Variants in FAM133B observed in about 807,000 individuals in gnomAD.
FAM133B encodes protein FAM133B.
A neutral mutation model predicts 46.4 loss-of-function variants in FAM133B; 25 were observed. That is an observed-to-expected ratio of 0.54 (90% CI 0.39 to 0.75). FAM133B has a LOEUF of 0.75. FAM133B is among the 30% of genes least tolerant of loss of function. The pLI is 0.00. For missense variants in FAM133B, 205 were observed against 277.6 expected (o/e 0.74, Z 1.86); for synonymous variants, 75 against 86.0 (o/e 0.87, Z 0.71).
chr7:92,582,334 TA>T (rs1403117492), intron 1 of FAM133B, among the ~76,000 whole-genome samples: 1 of 148,218 alleles, frequency 6.7e-6, no homozygotes, highest in Non-Finnish European at 1.5e-5. Context: ...TAAAATAAAA[TA>T]AATTCATTTC....
chr7:92,577,902 T>C (rs574199558), intron 5 of FAM133B, 185 bp from the exon 6 acceptor site: 75 of 653,952 alleles, frequency 1.1e-4, no homozygotes, highest in Non-Finnish European at 1.8e-4. Flanking sequence ...CAAGTTAACA[T>C]ATGTGGCCAT....
chr7:92,579,247 G>C, intron 3 of FAM133B, 70 bp downstream of exon 3: 1 of 1,382,550 alleles, frequency 7.2e-7, no homozygotes, highest in Non-Finnish European at 1.0e-6. Context: ...CCAAAGTGCT[G>C]GAATTATAGG....
At chr7:92,578,226 T>C in intron 4 of FAM133B, 44 bp from the exon 5 acceptor site, 1 of 1,605,264 alleles carries the variant, frequency 6.2e-7, no homozygotes. Context: ...CTGATGTGAG[T>C]TTGCAAATGC....
intron 8 of FAM133B, among the ~76,000 whole-genome samples, chr7:92,572,070 A>C (rs531103397): frequency 6.6e-6 from 1 of 152,344 alleles, no homozygotes; most frequent in South Asian, 2.1e-4. Context: ...TATGTGACTT[A>C]AAATTAAAGC....
rs758825028 is a variant in FAM133B, at chr7:92,578,208, T to C, written c.277-26A>G. On this transcript the variant is annotated intron_variant, in intron 4 of 10. Transcript: ENST00000445716. Reference sequence around the variant, plus strand: ...CTAAATGGAAACAAAAGTACAAGTCTAAATAAGCTGATGTGAGTTTGCAAA... The same window carrying C: ...CTAAATGGAAACAAAAGTACAAGTCCAAATAAGCTGATGTGAGTTTGCAAA... 12 of 1,611,546 alleles carry C rather than the reference T, an allele frequency of 7.4e-6. No homozygotes were observed. The African/African-American group carries it at 1.5e-4, about 20-fold the overall frequency.
intron 1 of FAM133B, 34 bp downstream of exon 1, chr7:92,590,234 C>T: frequency 6.2e-7 from 1 of 1,613,576 alleles, no homozygotes; most frequent in Non-Finnish European, 8.5e-7. Context: ...CCGGGCCCTG[C>T]GTCGCCCCAC....
At chr7:92,589,521 G>C (rs1472855400) in intron 1 of FAM133B, among the ~76,000 whole-genome samples, 1 of 152,144 alleles carries the variant, frequency 6.6e-6, no homozygotes, top group Non-Finnish European at 1.5e-5. Context: ...TAATCTGTAA[G>C]GTTGTAGATA....
chr7:92,574,190 AAATG>A (rs1381944680), intron 8 of FAM133B, among the ~76,000 whole-genome samples: 1 of 152,196 alleles, frequency 6.6e-6, no homozygotes, highest in Non-Finnish European at 1.5e-5. Context: ...GTCCATCAAC[AAATG>A]AATGGATGGC....
chr7:92,590,028 A>G (rs560425216), intron 1 of FAM133B: 3 of 599,854 alleles, frequency 5.0e-6, no homozygotes, highest in Admixed American at 3.0e-5. Context: ...CAGCAGCGCC[A>G]GAAAGAGCGA....
chr7:92,575,925 G>T, intron 7 of FAM133B, 104 bp from the exon 8 acceptor site: 1 of 474,252 alleles, frequency 2.1e-6, no homozygotes, highest in Non-Finnish European at 3.9e-6. Context: ...ACTGAAAAAA[G>T]GCTACTCCAA....
chr7:92,566,468 G>T (rs942215878), intron 9 of FAM133B, among the ~76,000 whole-genome samples: 18 of 138,378 alleles, frequency 1.3e-4, no homozygotes, highest in Admixed American at 3.6e-4. Flanking sequence ...TCTCTACCAA[G>T]AAAAAAAAAA....
rs138042950 is a variant in FAM133B at position 92,570,489 on chromosome 7, A to C, written c.517-574T>G. Among the ~76,000 whole-genome samples the C allele has an allele frequency of 2.0e-3, 298 of 152,140 alleles. 4 individuals carry two copies. The highest frequency in any genetic ancestry group is 7.0e-3 in the African/African-American group (290 of 41,554). ...GCTTAAATATATATTTGAAGAAATA[A>C]AAAAAAATTATGACAACACCCAAAG... On this transcript the variant is annotated intron_variant, in intron 8 of 10. Transcript: ENST00000445716.
chr7:92,590,049 G>A (rs1795151617), intron 1 of FAM133B: 1 of 621,428 alleles, frequency 1.6e-6, no homozygotes. Context: ...CGAGGTGAGG[G>A]AAGAAAAAAG....
intron 1 of FAM133B, among the ~76,000 whole-genome samples, chr7:92,587,614 G>A (rs1465408970): frequency 6.6e-6 from 1 of 152,078 alleles, no homozygotes; most frequent in Non-Finnish European, 1.5e-5. Context: ...CACACCTGTG[G>A]TCCCAGCTAC....
chr7:92,571,761 G>A (rs1349550238), intron 8 of FAM133B, among the ~76,000 whole-genome samples: 1 of 152,038 alleles, frequency 6.6e-6, no homozygotes, highest in Admixed American at 6.5e-5. Flanking sequence ...GTCTATTCCT[G>A]TACTAGTACT....
chr7:92,587,470 C>G, intron 1 of FAM133B, among the ~76,000 whole-genome samples: 1 of 152,086 alleles, frequency 6.6e-6, no homozygotes, highest in Admixed American at 6.5e-5. Flanking sequence ...TGGTGGCACT[C>G]CTGTAATCCG....
At position 92,579,382 on chromosome 7, in the gene FAM133B, C is replaced by T; in HGVS notation, c.136G>A (p.Glu46Lys). ...CCTTTCTTTTTCTTTTCTAGTTGCT[C>T]TTTTACTTCTTCCCTTAAAAAATAG... The part of the protein sequence containing the change: ...RPRPTWEEVK[E>K]QLEKKKKGSK... The change falls in exon 3 of 11, where the codon GAG (glutamate) becomes AAG (lysine). Residue 46 changes from glutamate (E) to lysine (K), a missense_variant. Coordinates refer to ENST00000445716, the MANE Select transcript of FAM133B (RefSeq NM_152789.4). The T allele has an allele frequency of 1.9e-6, 3 of 1,604,974 alleles. No individual in the cohort carries two copies. Among genetic ancestry groups the T allele is most frequent in the Non-Finnish European group, 2.6e-6 (3 of 1,176,304 alleles).
chr7:92,586,459 T>C (rs1202528861), intron 1 of FAM133B, among the ~76,000 whole-genome samples: 1 of 152,240 alleles, frequency 6.6e-6, no homozygotes, highest in African/African-American at 2.4e-5. Flanking sequence ...ATAATGCTTC[T>C]AACATTAAGT....
intron 2 of FAM133B, among the ~76,000 whole-genome samples, chr7:92,580,068 G>A (rs1794821951): frequency 6.6e-6 from 1 of 151,868 alleles, no homozygotes; most frequent in Non-Finnish European, 1.5e-5. Flanking sequence ...TTTCCTTCTG[G>A]GAAGCTGGAA....
Sources: allele counts gnomAD v4.1 joint callset (sites outside exome capture counted in the v4.1 genomes callset), GRCh38; gene constraint gnomAD v4.1.1; transcripts MANE v1.5; gene names NCBI Gene and HGNC (gene_info 2026-07-23, HGNC 2026-07-21).